PLEKHG4B: variants seen among roughly 807,000 people sequenced by gnomAD.
PLEKHG4B encodes pleckstrin homology and RhoGEF domain containing G4B.
In PLEKHG4B, 111 loss-of-function variants were observed where a neutral mutation model predicts 121.3. That is an observed-to-expected ratio of 0.92 (90% CI 0.78 to 1.07). PLEKHG4B has a LOEUF of 1.07. Ranked by LOEUF, PLEKHG4B falls within the 50% of genes least tolerant of loss-of-function variation. PLEKHG4B has a pLI of 0.00. For synonymous variants in PLEKHG4B, 738 were observed against 725.0 expected (o/e 1.02, Z -0.29); for missense variants, 1,831 against 1,757.8 (o/e 1.04, Z -0.74).
chr5:97,616 G>A (rs1342427777), intron 1 of PLEKHG4B, among the ~76,000 whole-genome samples: 1 of 152,206 alleles, frequency 6.6e-6, no homozygotes, highest in Non-Finnish European at 1.5e-5. Flanking sequence ...GTTGCACCAT[G>A]TGTCGGTATT....
At chr5:123,379 T>C (rs1734525341) in intron 2 of PLEKHG4B, among the ~76,000 whole-genome samples, 1 of 152,214 alleles carries the variant, frequency 6.6e-6, no homozygotes, top group Non-Finnish European at 1.5e-5. Context: ...GATATCTTGG[T>C]AATGCTTCTT....
At chr5:158,511 C>A (rs1579302119) in intron 11 of PLEKHG4B, among the ~76,000 whole-genome samples, 1 of 148,206 alleles carries the variant, frequency 6.7e-6, no homozygotes, top group South Asian at 2.2e-4. Flanking sequence ...CCCTATCTCC[C>A]CTCCTCCCTC....
At position 182,157 on chromosome 5, in the gene PLEKHG4B, G is replaced by A. The variant is rs775836506; in HGVS notation, c.4718G>A (p.Ser1573Asn). 3.7e-6 allele frequency: 6 copies of A among 1,613,862 alleles called. No individual in the cohort carries two copies. In the Admixed American group the frequency reaches 8.3e-5, roughly 22 times the overall value. ...TCGCTGGGCCTGCTTGTGTCCTCCA[G>A]CCCAGCCCACCCGGGCCTATGGAGC... ...LGSLGLLVSSSPAHPGLWSPA... is the reference protein window; with the variant it reads ...LGSLGLLVSSNPAHPGLWSPA... Residue 1573 changes from serine (S) to asparagine (N), a missense_variant, in exon 20 of 20, where the codon AGC becomes AAC. Transcript: ENST00000637938.
chr5:161,787 C>T lies in PLEKHG4B; in HGVS notation c.2492C>T (p.Ser831Phe), dbSNP rs754394966. The change falls in exon 12 of 20, where the codon TCC (serine) becomes TTC (phenylalanine). Residue 831 changes from serine (S) to phenylalanine (F), a missense_variant. Coordinates refer to ENST00000637938, the MANE Select transcript of PLEKHG4B (RefSeq NM_052909.5). The stretch of plus-strand genomic sequence containing the variant: ...TGCTTTGTTCCTTGGGTACAGCAAT[C>T]CTGCCAGAAAGGACTACAGCTGGCG... The part of the protein sequence containing the change: ...ASLLEGNDQQ[S>F]CQKGLQLAKE... 1 of 1,613,624 alleles carries T rather than the reference C, an allele frequency of 6.2e-7. No individual in the cohort carries two copies. Among genetic ancestry groups the T allele is most frequent in the South Asian group, 1.1e-5 (1 of 91,066 alleles).
intron 1 of PLEKHG4B, among the ~76,000 whole-genome samples, chr5:109,344 C>CCTAGATCA (rs1734067319): frequency 1.4e-5 from 2 of 146,834 alleles, no homozygotes. Flanking sequence ...TTGCAGTGAG[C>CCTAGATCA]CTAGATCACA....
At chr5:124,714 C>A (rs990896888) in intron 2 of PLEKHG4B, among the ~76,000 whole-genome samples, 1 of 152,132 alleles carries the variant, frequency 6.6e-6, no homozygotes, top group Non-Finnish European at 1.5e-5. Flanking sequence ...TTCCTGCTGT[C>A]TCTTGGTTAC....
At chr5:164,786 G>C (rs1449216444) in intron 13 of PLEKHG4B, among the ~76,000 whole-genome samples, 1 of 120,066 alleles carries the variant, frequency 8.3e-6, no homozygotes, top group Non-Finnish European at 1.7e-5. Context: ...TCACACTAAT[G>C]CTCTGACGGG....
chr5:181,384 G>T (rs61710713), intron 18 of PLEKHG4B, 130 bp from the exon 19 acceptor site: 14 of 943,970 alleles, frequency 1.5e-5, no homozygotes, highest in East Asian at 5.3e-5. Flanking sequence ...CATGCCCCTC[G>T]TGGGGCAGGG....
At chr5:108,709 TAGAC>T (rs1208828753) in intron 1 of PLEKHG4B, among the ~76,000 whole-genome samples, 1 of 124,356 alleles carries the variant, frequency 8.0e-6, no homozygotes, top group Non-Finnish European at 1.6e-5. Flanking sequence ...ATGGCTGGTG[TAGAC>T]AGACTGGGTG....
At chr5:101,491 A>G (rs1282042739) in intron 1 of PLEKHG4B, among the ~76,000 whole-genome samples, 1 of 124,598 alleles carries the variant, frequency 8.0e-6, no homozygotes, top group East Asian at 2.1e-4. Flanking sequence ...GTAAATCCAT[A>G]TAAAGCCCTG....
chr5:164,525 G>A (rs1349559033), intron 13 of PLEKHG4B, among the ~76,000 whole-genome samples: 41 of 85,210 alleles, frequency 4.8e-4, no homozygotes, highest in African/African-American at 1.6e-3. Context: ...ACACAGTAAT[G>A]CTGTGACAGG....
Position 156,834 on chromosome 5 carries a change from GTCCTC to G in PLEKHG4B, c.2411_2415del (p.Val804AspfsTer23). ...AGTGGATGAGGAGGTGCACAGGCTGGTCCTCACCTCGAACAATCGTCTCCAGCAGC... is the reference window on the plus strand; with the variant it reads ...AGTGGATGAGGAGGTGCACAGGCTGGACCTCGAACAATCGTCTCCAGCAGC... On this transcript the variant is annotated frameshift_variant, in exon 11 of 20. Coordinates refer to ENST00000637938, the MANE Select transcript of PLEKHG4B (RefSeq NM_052909.5). LOFTEE classifies it high-confidence loss of function. This position sits in a 1 kb window ranked among gnomAD's most constrained non-coding sequence, Gnocchi z 4.4. The G allele has an allele frequency of 6.3e-7, 1 of 1,598,942 alleles. No homozygotes were observed. Among genetic ancestry groups the G allele is most frequent in the African/African-American group, 1.3e-5 (1 of 74,780 alleles).
At chr5:154,834 T>C in intron 7 of PLEKHG4B, 41 bp from the exon 8 acceptor site, 1 of 1,461,868 alleles carries the variant, frequency 6.8e-7, no homozygotes, top group African/African-American at 1.4e-5. Flanking sequence ...CCCCAAGAGA[T>C]GCATCTGGAG....
chr5:141,556 G>A (rs910652692), intron 3 of PLEKHG4B, among the ~76,000 whole-genome samples: 2 of 151,388 alleles, frequency 1.3e-5, no homozygotes, highest in African/African-American at 2.4e-5. Flanking sequence ...TCTAAACCCA[G>A]GACGACCTCA....
intron 12 of PLEKHG4B, 119 bp from the exon 13 acceptor site, chr5:162,603 G>C: frequency 1.4e-6 from 1 of 726,766 alleles, no homozygotes; most frequent in Admixed American, 3.8e-5. Context: ...ACTGCCTCTC[G>C]CTCTGCTTTC....
chr5:164,921 C>T (rs1280702670), intron 13 of PLEKHG4B, among the ~76,000 whole-genome samples: 1 of 71,420 alleles, frequency 1.4e-5, no homozygotes, highest in Non-Finnish European at 3.4e-5. Context: ...CGGGGCGGAG[C>T]TCACACTAAT....
intron 1 of PLEKHG4B, among the ~76,000 whole-genome samples, chr5:105,479 TCATC>T (rs1733950956): frequency 6.6e-6 from 1 of 152,276 alleles, no homozygotes; most frequent in Non-Finnish European, 1.5e-5. Context: ...TTAGTTTCAA[TCATC>T]TTGTCAATGG....
Position 156,468 on chromosome 5 carries a change from T to C in PLEKHG4B, c.2348+258T>C, listed in dbSNP as rs1039719585. Among the ~76,000 whole-genome samples the C allele has an allele frequency of 2.0e-5, 3 of 151,710 alleles. No individual in the cohort carries two copies. The highest frequency in any genetic ancestry group is 7.3e-5 in the African/African-American group (3 of 41,310). ...TCAGAATGAGCTCATTCTTGACCAG[T>C]GCTGCCTGGGGAGCTGTGCCCACCC... On this transcript the variant is annotated intron_variant, in intron 10 of 19. Coordinates refer to ENST00000637938, the MANE Select transcript of PLEKHG4B (RefSeq NM_052909.5). The surrounding 1 kb of genome is among the most constrained non-coding windows in gnomAD (Gnocchi z 4.4).
chr5:107,306 C>T (rs1171369762), intron 1 of PLEKHG4B, among the ~76,000 whole-genome samples: 2 of 152,172 alleles, frequency 1.3e-5, no homozygotes, highest in African/African-American at 4.8e-5. Flanking sequence ...CATGCTTGGC[C>T]CTTCTGGGAT....
Sources: allele counts gnomAD v4.1 joint callset (sites outside exome capture counted in the v4.1 genomes callset), GRCh38; gene constraint gnomAD v4.1.1; non-coding constraint Gnocchi (gnomAD v3.1); transcripts MANE v1.5; gene names NCBI Gene and HGNC (gene_info 2026-07-23, HGNC 2026-07-21).